NRP2: variants seen among roughly 807,000 people sequenced by gnomAD.
The protein encoded by NRP2 is neuropilin-2.
A neutral mutation model predicts 110.4 loss-of-function variants in NRP2; 52 were observed. That is an observed-to-expected ratio of 0.47 (90% confidence interval 0.38 to 0.59). The LOEUF is 0.59. NRP2 is among the 20% of genes least tolerant of loss of function. The pLI is 0.00. For synonymous variants in NRP2, 508 were observed against 468.9 expected, an observed-to-expected ratio of 1.08 and a Z score of -1.08; for missense variants, 1,049 against 1,203.0, an observed-to-expected ratio of 0.87 and a Z score of 1.89.
At chr2:205,759,280 A>C (rs2057783994) in intron 12 of NRP2, among the ~76,000 whole-genome samples, 2 of 152,226 alleles carry the variant, frequency 1.3e-5, no homozygotes, top group South Asian at 4.1e-4. Flanking sequence ...GGAAAACAGA[A>C]ATTGGCTATG....
At chr2:205,788,363 T>A (rs1305943081) in intron 15 of NRP2, among the ~76,000 whole-genome samples, 1 of 152,198 alleles carries the variant, frequency 6.6e-6, no homozygotes, top group Non-Finnish European at 1.5e-5. Flanking sequence ...AGAGCTGACC[T>A]CTTTCTCTCA....
At chr2:205,781,620 C>T (rs557351307) in intron 15 of NRP2, among the ~76,000 whole-genome samples, 1 of 152,342 alleles carries the variant, frequency 6.6e-6, no homozygotes, top group East Asian at 1.9e-4. Context: ...TTGTGGGCTA[C>T]ACATCTGAGC....
chr2:205,707,832 CGAG>C (rs2056713369), intron 2 of NRP2, among the ~76,000 whole-genome samples: 3 of 152,136 alleles, frequency 2.0e-5, no homozygotes, highest in African/African-American at 7.2e-5. Flanking sequence ...TTCACCCTGC[CGAG>C]TAAAGGGGCA....
Position 205,743,340 on chromosome 2 carries a change from C to G in NRP2, c.1429C>G (p.Arg477Gly), listed in dbSNP as rs1454944897. Residue 477 changes from arginine to glycine, a missense_variant, in exon 9 of 17, where the codon CGA becomes GGA. Arg to Gly is a moderately radical substitution (Grantham distance 125). Transcript: ENST00000357785. ...LVSSRSGWFP[R>G]IPQAQPGEEW... ...TAGCAGCCGCTCGGGCTGGTTCCCTCGAATCCCTCAGGCCCAGCCCGGTGA... is the reference window on the plus strand; with the variant it reads ...TAGCAGCCGCTCGGGCTGGTTCCCTGGAATCCCTCAGGCCCAGCCCGGTGA... The G allele has an allele frequency of 1.2e-6, 2 of 1,614,218 alleles. No individual in the cohort carries two copies. Among genetic ancestry groups the G allele is most frequent in the South Asian group, 1.1e-5 (1 of 91,084 alleles).
At chr2:205,792,370 G>A (rs989833538) in intron 16 of NRP2, 85 bp downstream of exon 16, 63 of 942,374 alleles carry the variant, frequency 6.7e-5, no homozygotes, top group African/African-American at 1.8e-4. Context: ...TCTGGGTATC[G>A]GAGGGCCCAA....
chr2:205,776,294 T>G (rs746542729), intron 15 of NRP2: 4 of 1,613,268 alleles, frequency 2.5e-6, no homozygotes. Context: ...ACGGTGCCCA[T>G]GCAGCCCATC....
At chr2:205,733,243 C>T (rs944340838) in intron 7 of NRP2, among the ~76,000 whole-genome samples, 2 of 152,220 alleles carry the variant, frequency 1.3e-5, no homozygotes, top group Non-Finnish European at 2.9e-5. Context: ...GCCAGCGTCA[C>T]CCAGCTCCCG....
chr2:205,740,270 AG>A (rs1488434728), intron 7 of NRP2, among the ~76,000 whole-genome samples: 1 of 152,180 alleles, frequency 6.6e-6, no homozygotes, highest in African/African-American at 2.4e-5. Flanking sequence ...CTCAGCCTGG[AG>A]GCAAAATTTT....
At chr2:205,793,950 A>C (rs2058328075) in intron 16 of NRP2, among the ~76,000 whole-genome samples, 1 of 152,066 alleles carries the variant, frequency 6.6e-6, no homozygotes, top group African/African-American at 2.4e-5. Flanking sequence ...GAAACTCATC[A>C]TGTGCAAATA....
At chr2:205,762,079 C>T (rs2057831671) in intron 12 of NRP2, 1 of 152,224 alleles carries the variant, frequency 6.6e-6, no homozygotes, top group African/African-American at 2.4e-5. Context: ...TATTAATTCT[C>T]TTCTGTAGAC....
intron 15 of NRP2, among the ~76,000 whole-genome samples, chr2:205,780,215 C>T (rs938087736): frequency 6.6e-6 from 1 of 152,274 alleles, no homozygotes; most frequent in African/African-American, 2.4e-5. Context: ...CCAGACAAAA[C>T]GGGAACTTGT....
rs528059316 is a variant in NRP2, at chr2:205,767,874, C to G, written c.2425+1071C>G. On this transcript the variant is annotated intron_variant, in intron 15 of 16. Coordinates refer to ENST00000357785, the MANE Select transcript of NRP2 (RefSeq NM_003872.3). ...GCCCTCTTTGTACTGGCTGGGCTTA[C>G]CCCTACAAGTGGCAGCATTGCAGAG... is the stretch of plus-strand genomic sequence containing the variant. The G allele has an allele frequency of 4.2e-4, 65 of 155,232 alleles. No individual in the cohort carries two copies. In the South Asian group the frequency reaches 0.013, roughly 30 times the overall value. 9.6% of individuals were successfully genotyped at this position (155,232 alleles called of 1,614,324 possible).
intron 12 of NRP2, chr2:205,761,600 G>A (rs964256924): frequency 2.6e-5 from 4 of 152,218 alleles, no homozygotes; most frequent in African/African-American, 7.2e-5. Context: ...AGTGGTTCAG[G>A]GAGTGGAGAA....
chr2:205,792,101 T>C, intron 15 of NRP2, 134 bp from the exon 16 acceptor site: 1 of 683,394 alleles, frequency 1.5e-6, no homozygotes, highest in Non-Finnish European at 2.7e-6. Flanking sequence ...CCATAATGAA[T>C]GATCTAGAAG....
intron 2 of NRP2, among the ~76,000 whole-genome samples, chr2:205,708,445 G>A (rs2056731143): frequency 6.6e-6 from 1 of 152,234 alleles, no homozygotes; most frequent in Non-Finnish European, 1.5e-5. Flanking sequence ...CAGTGCAGAA[G>A]TTGGGGAGGC....
chr2:205,707,862 G>A (rs1456257474), intron 2 of NRP2, among the ~76,000 whole-genome samples: 1 of 152,138 alleles, frequency 6.6e-6, no homozygotes, highest in Non-Finnish European at 1.5e-5. Flanking sequence ...GCACACCAGG[G>A]GCCCCAGACG....
intron 12 of NRP2, among the ~76,000 whole-genome samples, chr2:205,757,935 C>G (rs1372195505): frequency 6.6e-6 from 1 of 151,474 alleles, no homozygotes; most frequent in Admixed American, 6.6e-5. Flanking sequence ...TTGGTTGAGT[C>G]CCCCAGCAGT....
chr2:205,755,814 C>T (rs963625900), intron 12 of NRP2, among the ~76,000 whole-genome samples: 4 of 152,028 alleles, frequency 2.6e-5, no homozygotes, highest in African/African-American at 9.7e-5. Context: ...GCTTCATCCC[C>T]TGATGAGATA....
chr2:205,749,969 G>C, intron 11 of NRP2, 128 bp downstream of exon 11: 1 of 771,974 alleles, frequency 1.3e-6, no homozygotes, highest in Non-Finnish European at 2.3e-6. Context: ...AGTGGTAAGA[G>C]AGGTGGGGGC....
Sources: gnomAD v4.1 joint callset for allele counts (sites outside exome capture counted in the v4.1 genomes callset) on GRCh38, gnomAD v4.1.1 for gene constraint, MANE v1.5 for transcripts, NCBI Gene and HGNC (gene_info 2026-07-23, HGNC 2026-07-21) for gene names.